PCSK5: variants seen among roughly 807,000 people sequenced by gnomAD.
The protein encoded by PCSK5 is prohormone convertase 5.
PCSK5 carries 129 observed loss-of-function variants against 233.2 expected under a neutral mutation model. The ratio of observed to expected loss-of-function variants is 0.55; its 90% CI spans 0.48 to 0.64. PCSK5 has a LOEUF of 0.64. PCSK5 is among the 30% of genes least tolerant of loss of function. The pLI is 0.00. For missense variants in PCSK5, 2,076 were observed against 2,430.1 expected (o/e 0.85, Z 3.06); for synonymous variants, 825 against 879.2 (o/e 0.94, Z 1.09).
chr9:75,994,425 T>C (rs1174197288), intron 3 of PCSK5, among the ~76,000 whole-genome samples: 872 of 60,046 alleles, frequency 0.015, 49 homozygotes, highest in African/African-American at 0.043. Context: ...TTTTTTTTTT[T>C]TTTTTTTTTT....
chr9:76,210,129 T>C (rs1825274039), intron 20 of PCSK5, among the ~76,000 whole-genome samples: 1 of 152,134 alleles, frequency 6.6e-6, no homozygotes, highest in South Asian at 2.1e-4. Flanking sequence ...CCAAGAGTTT[T>C]TTTAGGGGAG....
At chr9:76,161,138 T>C (rs1822834287) in intron 12 of PCSK5, among the ~76,000 whole-genome samples, 2 of 152,222 alleles carry the variant, frequency 1.3e-5, no homozygotes, top group Admixed American at 1.3e-4. Flanking sequence ...CTTTCAAATC[T>C]GACGTCTTCC....
intron 24 of PCSK5, among the ~76,000 whole-genome samples, chr9:76,268,426 G>T (rs1827407073): frequency 6.6e-6 from 1 of 152,100 alleles, no homozygotes; most frequent in Non-Finnish European, 1.5e-5. Flanking sequence ...GTTGACTGGT[G>T]GTGGCCCACA....
At chr9:76,040,325 GTCTCTC>G (rs757550088) in intron 5 of PCSK5, among the ~76,000 whole-genome samples, 20,916 of 79,070 alleles carry the variant, frequency 0.26, 1,851 homozygotes, top group African/African-American at 0.35. Flanking sequence ...TGTGTTCTCT[GTCTCTC>G]TCTCTCTCTC....
intron 3 of PCSK5, among the ~76,000 whole-genome samples, chr9:76,017,101 A>G (rs1827978625): frequency 6.6e-6 from 1 of 152,186 alleles, no homozygotes; most frequent in African/African-American, 2.4e-5. Flanking sequence ...TGGAGTAAAA[A>G]GGATGATTCA....
At chr9:76,335,280 C>G (rs1453639260) in intron 34 of PCSK5, among the ~76,000 whole-genome samples, 1 of 152,116 alleles carries the variant, frequency 6.6e-6, no homozygotes, top group Non-Finnish European at 1.5e-5. Context: ...GACAATTGTT[C>G]CACAGCGTGT....
intron 5 of PCSK5, among the ~76,000 whole-genome samples, chr9:76,047,485 G>T (rs1391644900): frequency 6.6e-6 from 1 of 152,172 alleles, no homozygotes; most frequent in Non-Finnish European, 1.5e-5. Flanking sequence ...GTGATTTCTA[G>T]TGACTTGAGA....
chr9:76,045,054 A>T (rs996150656), intron 5 of PCSK5, among the ~76,000 whole-genome samples: 6 of 152,186 alleles, frequency 3.9e-5, no homozygotes, highest in Admixed American at 6.5e-5. Context: ...TGCTAAGAGG[A>T]TGTAGAAGAG....
intron 24 of PCSK5, among the ~76,000 whole-genome samples, chr9:76,254,357 G>A (rs763801568): frequency 1.1e-4 from 16 of 152,016 alleles, no homozygotes; most frequent in African/African-American, 1.4e-4. Context: ...ATGTGTGCCC[G>A]ATATGCTTCA....
chr9:76,064,164 GC>G (rs1830158423), intron 5 of PCSK5, among the ~76,000 whole-genome samples: 1 of 118,298 alleles, frequency 8.5e-6, no homozygotes. Context: ...CCCGGACGGG[GC>G]GGCTGGCCAG....
intron 20 of PCSK5, among the ~76,000 whole-genome samples, chr9:76,220,063 C>A (rs1388935414): frequency 2.6e-5 from 4 of 152,020 alleles, no homozygotes; most frequent in Non-Finnish European, 5.9e-5. Flanking sequence ...TCTAGGCTCA[C>A]AGGAATAGCA....
chr9:75,976,589 T>C (rs886327820), intron 2 of PCSK5, among the ~76,000 whole-genome samples: 1 of 150,974 alleles, frequency 6.6e-6, no homozygotes, highest in Non-Finnish European at 1.5e-5. Context: ...CCTGCAAGGA[T>C]AAAGTAAAGC....
chr9:76,332,119 G>A (rs1587341500), intron 33 of PCSK5, among the ~76,000 whole-genome samples: 2 of 152,188 alleles, frequency 1.3e-5, no homozygotes, highest in African/African-American at 4.8e-5. Flanking sequence ...CTAATCCACT[G>A]AGAAATTTGG....
In PCSK5 at chr9:75,945,750, CTCTGTCTCGCTT is replaced by C. The variant is rs1477479348; in HGVS notation, c.297+13276_297+13287del. ...TTTTGCTCATCACACTTGGCCATAT[CTCTGTCTCGCTT>C]TCTGTCTCAAGCCCTTTCCCTTGTT... On this transcript the variant is annotated intron_variant, in intron 2 of 37. Coordinates refer to ENST00000674117, the MANE Select transcript of PCSK5 (RefSeq NM_001372043.1). Among the ~76,000 whole-genome samples the C allele has an allele frequency of 9.9e-5, 15 of 152,272 alleles. 1 individual carries two copies. The highest frequency in any genetic ancestry group is 6.2e-4 in the South Asian group (3 of 4,816).
rs1272653409 is a variant in PCSK5 at position 76,169,854 on chromosome 9, T to A, written c.1756+14T>A. ...TTAAGACTCCAGGTGAGAACTCCCT[T>A]TCTATACATTGTTCTACTGTGTAGA... On this transcript the variant is annotated intron_variant, in intron 13 of 37. Coordinates refer to ENST00000674117, the MANE Select transcript of PCSK5 (RefSeq NM_001372043.1). The A allele has an allele frequency of 1.2e-6, 2 of 1,609,140 alleles. No homozygotes were observed. Among genetic ancestry groups the A allele is most frequent in the African/African-American group, 2.7e-5 (2 of 74,792 alleles).
chr9:76,207,098 C>T (rs939014991), intron 20 of PCSK5, among the ~76,000 whole-genome samples: 2 of 152,182 alleles, frequency 1.3e-5, no homozygotes, highest in African/African-American at 2.4e-5. Context: ...TCACCTTCTT[C>T]TGTAGTAAAT....
intron 10 of PCSK5, among the ~76,000 whole-genome samples, chr9:76,150,915 C>A (rs1823646740): frequency 6.6e-6 from 1 of 151,948 alleles, no homozygotes; most frequent in African/African-American, 2.4e-5. Context: ...TGTGAAACTG[C>A]CGACATGAGA....
chr9:75,997,062 T>C (rs939108818), intron 3 of PCSK5, among the ~76,000 whole-genome samples: 2 of 152,174 alleles, frequency 1.3e-5, no homozygotes, highest in African/African-American at 2.4e-5. Context: ...CTGTAACCTA[T>C]CTCTCTGCCA....
rs1353276748 is a variant in PCSK5 at position 76,160,741 on chromosome 9, T to C, written c.1619+1570T>C. On this transcript the variant is annotated intron_variant, in intron 12 of 37. Coordinates refer to ENST00000674117, the MANE Select transcript of PCSK5 (RefSeq NM_001372043.1). ...AGAGAACAATAACTTTTCTGGCTTA[T>C]AGCAACTAGGAGTACAGAATCTGAT... is the stretch of plus-strand genomic sequence containing the variant. Among the ~76,000 whole-genome samples, 4 of 152,174 alleles carry C rather than the reference T, an allele frequency of 2.6e-5. No individual in the cohort carries two copies. The East Asian group carries it at 5.8e-4, about 22-fold the overall frequency.
Sources: allele counts gnomAD v4.1 joint callset (sites outside exome capture counted in the v4.1 genomes callset), GRCh38; gene constraint gnomAD v4.1.1; transcripts MANE v1.5; gene names NCBI Gene and HGNC (gene_info 2026-07-23, HGNC 2026-07-21).